The following RBFOX1 variants were observed in gnomAD, a reference collection of about 807,000 sequenced individuals.
RBFOX1 encodes the protein RNA binding fox-1 homolog 1, also known as RNA binding protein fox-1 homolog 1.
Under a neutral mutation model 57.7 loss-of-function variants are expected in RBFOX1, and 8 were observed. That is an observed-to-expected ratio of 0.14 (90% CI 0.08 to 0.25). The LOEUF is 0.25. Ranked by LOEUF, RBFOX1 falls within the 10% of genes least tolerant of loss-of-function variation. RBFOX1 has a pLI of 1.00. For synonymous variants in RBFOX1, 326 were observed against 222.4 expected, an observed-to-expected ratio of 1.47 and a Z score of -4.15; for missense variants, 611 against 548.5, an observed-to-expected ratio of 1.11 and a Z score of -1.14.
At chr16:6,831,203 A>G (rs1244726789) in intron 3 of RBFOX1, among the ~76,000 whole-genome samples, 8 of 152,184 alleles carry the variant, frequency 5.3e-5, no homozygotes, top group African/African-American at 1.7e-4. Flanking sequence ...AGGAGACAAC[A>G]CAGCTTAGTC....
chr16:7,183,753 A>T (rs891211667), intron 4 of RBFOX1, among the ~76,000 whole-genome samples: 3 of 152,214 alleles, frequency 2.0e-5, no homozygotes, highest in Non-Finnish European at 4.4e-5. Flanking sequence ...AACAAAATTG[A>T]TAAAGCTTAG....
At chr16:5,446,599 A>G (rs1238422251) in intron 1 of RBFOX1, among the ~76,000 whole-genome samples, 1 of 151,918 alleles carries the variant, frequency 6.6e-6, no homozygotes, top group African/African-American at 2.4e-5. Flanking sequence ...GGGTGGCTTG[A>G]TCCGATTTGT....
At chr16:5,768,464 C>T (rs184696116) in intron 3 of RBFOX1, among the ~76,000 whole-genome samples, 1 of 152,284 alleles carries the variant, frequency 6.6e-6, no homozygotes, top group Non-Finnish European at 1.5e-5. Flanking sequence ...CCACGTGGCC[C>T]TGTCAGGAAG....
intron 3 of RBFOX1, among the ~76,000 whole-genome samples, chr16:5,608,169 G>A (rs1450391783): frequency 2.0e-5 from 3 of 152,234 alleles, no homozygotes; most frequent in Non-Finnish European, 4.4e-5. Flanking sequence ...CATTGTCTGA[G>A]CGCATACCTT....
intron 2 of RBFOX1, among the ~76,000 whole-genome samples, chr16:6,372,985 G>A (rs11866323): frequency 0.61 from 90,905 of 147,860 alleles, 28,186 homozygotes; most frequent in African/African-American, 0.72. Flanking sequence ...GGATGGGAGG[G>A]TGGTTGGTAA....
intron 3 of RBFOX1, among the ~76,000 whole-genome samples, chr16:6,822,702 C>G (rs1033835223): frequency 2.6e-5 from 4 of 152,160 alleles, no homozygotes; most frequent in African/African-American, 9.7e-5. Flanking sequence ...AAGATCCAAG[C>G]TCTGCTTTCT....
intron 3 of RBFOX1, among the ~76,000 whole-genome samples, chr16:6,664,634 C>A (rs773376287): frequency 5.3e-5 from 8 of 152,186 alleles, no homozygotes; most frequent in Non-Finnish European, 1.2e-4. Flanking sequence ...TTTACTGAGA[C>A]TGGGGACCAG....
intron 3 of RBFOX1, among the ~76,000 whole-genome samples, chr16:6,779,173 A>G (rs2079907309): frequency 6.6e-6 from 1 of 151,298 alleles, no homozygotes; most frequent in African/African-American, 2.4e-5. Flanking sequence ...CTTGCTCTCA[A>G]CTCCCCTTCC....
chr16:7,392,667 C>G (rs778509131), intron 4 of RBFOX1, among the ~76,000 whole-genome samples: 19 of 152,032 alleles, frequency 1.2e-4, no homozygotes, highest in Admixed American at 2.0e-4. Flanking sequence ...TGATAAAGCC[C>G]AAGTCATAGT....
chr16:7,219,828 A>T (rs552149936), intron 4 of RBFOX1, among the ~76,000 whole-genome samples: 1 of 152,184 alleles, frequency 6.6e-6, no homozygotes, highest in South Asian at 2.1e-4. Flanking sequence ...CCTTCCACCA[A>T]AGGATTTCCC....
intron 2 of RBFOX1, among the ~76,000 whole-genome samples, chr16:6,544,333 G>T (rs1396084135): frequency 6.6e-6 from 1 of 152,186 alleles, no homozygotes. Flanking sequence ...CATAGCAGAA[G>T]TGTCATCAAT....
intron 14 of RBFOX1, among the ~76,000 whole-genome samples, chr16:7,697,720 C>T (rs1268444398): frequency 6.6e-6 from 1 of 151,972 alleles, no homozygotes; most frequent in East Asian, 1.9e-4. Flanking sequence ...ACACTGCCTC[C>T]ACACACACCT....
chr16:6,932,606 C>T (rs756846302), intron 3 of RBFOX1, among the ~76,000 whole-genome samples: 1 of 152,184 alleles, frequency 6.6e-6, no homozygotes, highest in Admixed American at 6.5e-5. Context: ...TCCCACGGGC[C>T]TGTCCACAGG....
intron 2 of RBFOX1, among the ~76,000 whole-genome samples, chr16:6,607,831 C>T (rs1236760795): frequency 6.6e-6 from 1 of 152,150 alleles, no homozygotes; most frequent in African/African-American, 2.4e-5. Flanking sequence ...AATGGGAGAA[C>T]AAACTTAACA....
intron 4 of RBFOX1, among the ~76,000 whole-genome samples, chr16:7,492,078 T>G (rs540485293): frequency 3.9e-5 from 6 of 152,312 alleles, no homozygotes; most frequent in African/African-American, 1.2e-4. Context: ...GAGCTCAATT[T>G]TCAGCATTAA....
chr16:7,425,656 A>C (rs1198832836), intron 4 of RBFOX1, among the ~76,000 whole-genome samples: 3 of 152,168 alleles, frequency 2.0e-5, no homozygotes, highest in African/African-American at 7.2e-5. Flanking sequence ...GAAATTGTTA[A>C]GCCCTGAGAA....
intron 3 of RBFOX1, among the ~76,000 whole-genome samples, chr16:6,763,959 T>C (rs1477457968): frequency 6.6e-6 from 1 of 152,222 alleles, no homozygotes; most frequent in East Asian, 1.9e-4. Flanking sequence ...CTGGAGAAAG[T>C]TGAATCTGCA....
At chr16:7,116,677 A>G (rs1384957221) in intron 4 of RBFOX1, among the ~76,000 whole-genome samples, 1 of 152,182 alleles carries the variant, frequency 6.6e-6, no homozygotes, top group Non-Finnish European at 1.5e-5. Context: ...ATGCCAGTGA[A>G]GCTACCATTA....
intron 3 of RBFOX1, among the ~76,000 whole-genome samples, chr16:6,862,113 A>G (rs548413925): frequency 6.6e-6 from 1 of 152,276 alleles, no homozygotes; most frequent in Admixed American, 6.5e-5. Flanking sequence ...ATACTTGGAA[A>G]GGATGCTTCA....
Sources: allele counts gnomAD v4.1 joint callset (sites outside exome capture counted in the v4.1 genomes callset), GRCh38; gene constraint gnomAD v4.1.1; transcripts MANE v1.5; gene names NCBI Gene and HGNC (gene_info 2026-07-23, HGNC 2026-07-21).